Variants in SLIT1 observed in about 807,000 individuals in gnomAD.
SLIT1 encodes the protein slit guidance ligand 1.
SLIT1 carries 66 observed loss-of-function variants against 186.1 expected under a neutral mutation model. That is an observed-to-expected ratio of 0.35 (90% CI 0.29 to 0.44). The LOEUF (loss-of-function observed/expected upper bound fraction) is 0.44, where lower values mean the gene tolerates loss of function less well. SLIT1 is among the 20% of genes least tolerant of loss of function. SLIT1 has a pLI of 1.00. For missense variants in SLIT1, 1,638 were observed against 2,037.4 expected (o/e 0.80, Z 3.77); for synonymous variants, 761 against 833.8 (o/e 0.91, Z 1.50).
At chr10:97,114,694 G>C (rs923422035) in intron 4 of SLIT1, among the ~76,000 whole-genome samples, 8 of 152,130 alleles carry the variant, frequency 5.3e-5, no homozygotes, top group African/African-American at 1.9e-4. Flanking sequence ...AGGTGATGGA[G>C]TCATCTACCT....
In SLIT1 at chr10:97,022,955, G is replaced by A. The variant is rs181251146; in HGVS notation, c.2583-1542C>T. On this transcript the variant is annotated intron_variant, in intron 25 of 36. Transcript: ENST00000266058. The surrounding 1 kb of genome is among the most constrained non-coding windows in gnomAD (Gnocchi z 4.2). The stretch of plus-strand genomic sequence containing the variant: ...CTATCTCATTGTGTCCAACTGTTCC[G>A]CAATATCCCAGAGTGGATATCCCAT... 1.1e-4 allele frequency among the ~76,000 whole-genome samples: 17 copies of A among 152,212 alleles called. No individual in the cohort carries two copies. In the East Asian group the frequency reaches 1.4e-3, roughly 12 times the overall value.
intron 8 of SLIT1, 88 bp from the exon 9 acceptor site, chr10:97,060,875 G>A (rs1199019486): frequency 2.2e-6 from 3 of 1,365,392 alleles, no homozygotes; most frequent in African/African-American, 2.9e-5. Flanking sequence ...GGGATAGGGT[G>A]TACACTGGCA....
Position 97,117,666 on chromosome 10 carries a change from G to A in SLIT1, c.413+40152C>T, listed in dbSNP as rs553887067. 3.9e-5 allele frequency among the ~76,000 whole-genome samples: 6 copies of A among 152,248 alleles called. No individual in the cohort carries two copies. In the East Asian group the frequency reaches 9.6e-4, roughly 24 times the overall value. On this transcript the variant is annotated intron_variant, in intron 4 of 36. Coordinates refer to ENST00000266058, the MANE Select transcript of SLIT1 (RefSeq NM_003061.3). ...TGCTGAGTCTGAAAAAGTCCATGAGGCTTGGGCCATGCAAGTGACGCACAT... is the reference window on the plus strand; with the variant it reads ...TGCTGAGTCTGAAAAAGTCCATGAGACTTGGGCCATGCAAGTGACGCACAT...
intron 4 of SLIT1, among the ~76,000 whole-genome samples, chr10:97,086,645 G>T (rs1280541070): frequency 6.6e-6 from 1 of 152,144 alleles, no homozygotes; most frequent in Non-Finnish European, 1.5e-5. Flanking sequence ...TTAAGTGAAA[G>T]AAGCCAGAAT....
At chr10:97,018,923 G>A (rs771398444) in intron 27 of SLIT1, 60 bp downstream of exon 27, 8 of 1,039,468 alleles carry the variant, frequency 7.7e-6, no homozygotes, top group Non-Finnish European at 1.2e-5. Flanking sequence ...TGGGCCCTGG[G>A]GACAGCCCTG....
chr10:97,003,015 G>A lies in SLIT1; in HGVS notation c.3866-23C>T, dbSNP rs770104248. 1.0e-5 allele frequency: 16 copies of A among 1,602,690 alleles called. 1 individual carries two copies. Among genetic ancestry groups the A allele is most frequent in the Non-Finnish European group, 1.4e-5 (16 of 1,172,628 alleles). ...TCCCTGGGGTAGGGGAGGGAGCAGA[G>A]CTGGGCTGAGTAAAGCTCGGGCTAT... On this transcript the variant is annotated intron_variant, in intron 34 of 36. Transcript: ENST00000266058.
Position 97,046,974 on chromosome 10 carries a change from G to T in SLIT1, c.1709+17C>A. On this transcript the variant is annotated intron_variant, in intron 17 of 36. Coordinates refer to ENST00000266058, the MANE Select transcript of SLIT1 (RefSeq NM_003061.3). The stretch of plus-strand genomic sequence containing the variant: ...CCAGCATCCCAACAGACACCTTCTC[G>T]CCAATGGGTAACTCACATTTTCTTC... 1 of 1,598,232 alleles carries T rather than the reference G, an allele frequency of 6.3e-7. No individual in the cohort carries two copies. The highest frequency in any genetic ancestry group is 8.6e-7 in the Non-Finnish European group (1 of 1,165,864).
chr10:97,038,834 A>G (rs1208397481), intron 21 of SLIT1, among the ~76,000 whole-genome samples: 1 of 152,198 alleles, frequency 6.6e-6, no homozygotes, highest in African/African-American at 2.4e-5. Context: ...CCTCGTCCAC[A>G]TACCCAAGTA....
intron 4 of SLIT1, among the ~76,000 whole-genome samples, chr10:97,112,032 C>A (rs950665722): frequency 3.3e-5 from 5 of 152,234 alleles, no homozygotes; most frequent in African/African-American, 7.2e-5. Context: ...CACACCCGCA[C>A]CCTGACCTGA....
intron 30 of SLIT1, among the ~76,000 whole-genome samples, chr10:97,013,072 T>G (rs902949861): frequency 6.6e-6 from 1 of 152,196 alleles, no homozygotes; most frequent in Non-Finnish European, 1.5e-5. Flanking sequence ...TGGGACCAGA[T>G]AGGTTTTGGA....
chr10:97,123,789 G>GAAAA (rs5787219), intron 4 of SLIT1, among the ~76,000 whole-genome samples: 1 of 134,532 alleles, frequency 7.4e-6, no homozygotes, highest in Non-Finnish European at 1.6e-5. Context: ...GACTCTGTCT[G>GAAAA]AAAAAAAAAA....
intron 28 of SLIT1, among the ~76,000 whole-genome samples, chr10:97,018,345 C>T (rs1194262568): frequency 2.6e-5 from 4 of 152,228 alleles, no homozygotes; most frequent in Admixed American, 6.5e-5. Flanking sequence ...AGCTGTGCGG[C>T]TTAGGTATCC....
chr10:97,048,924 C>G (rs1848762104), intron 14 of SLIT1, 31 bp downstream of exon 14: 1 of 1,594,622 alleles, frequency 6.3e-7, no homozygotes, highest in South Asian at 1.1e-5. Context: ...GGTAGGTGGA[C>G]AGGTGGGCAG....
chr10:97,098,844 G>A (rs1849319050), intron 4 of SLIT1, among the ~76,000 whole-genome samples: 1 of 152,208 alleles, frequency 6.6e-6, no homozygotes, highest in African/African-American at 2.4e-5. Context: ...CCCCCAGAAA[G>A]GGACAATGCC....
intron 4 of SLIT1, among the ~76,000 whole-genome samples, chr10:97,092,241 T>A (rs112953533): frequency 6.6e-6 from 1 of 152,226 alleles, no homozygotes; most frequent in Non-Finnish European, 1.5e-5. Flanking sequence ...AAATTGTGCA[T>A]ATGTGCATGG....
At chr10:97,057,842 C>A in intron 11 of SLIT1, 2 of 566,770 alleles carry the variant, frequency 3.5e-6, no homozygotes, top group Non-Finnish European at 6.5e-6. Flanking sequence ...TTCAAAAAAA[C>A]ACATGTAGAC....
Position 97,011,475 on chromosome 10 carries a change from C to T in SLIT1, c.3204-345G>A, listed in dbSNP as rs980734449. On this transcript the variant is annotated intron_variant, in intron 30 of 36. Transcript: ENST00000266058. ...CCAAGGCCAACTGTCAGCCCCTTCCCCACCTCCCCAGCAGCTCAGCTGCAC... is the reference window on the plus strand; with the variant it reads ...CCAAGGCCAACTGTCAGCCCCTTCCTCACCTCCCCAGCAGCTCAGCTGCAC... Among the ~76,000 whole-genome samples the T allele has an allele frequency of 2.6e-5, 4 of 152,094 alleles. No homozygotes were observed. The East Asian group carries it at 7.7e-4, about 29-fold the overall frequency.
chr10:97,031,014 C>T (rs540815048), intron 24 of SLIT1, among the ~76,000 whole-genome samples, 186 bp from the exon 25 acceptor site: 18 of 152,332 alleles, frequency 1.2e-4, no homozygotes, highest in African/African-American at 3.6e-4. Context: ...TCCAGGCAGA[C>T]GGCCCTGTCC....
At position 97,022,338 on chromosome 10, in the gene SLIT1, C is replaced by T. The variant is rs1044560290; in HGVS notation, c.2583-925G>A. 3.9e-5 allele frequency among the ~76,000 whole-genome samples: 6 copies of T among 152,194 alleles called. No individual in the cohort carries two copies. Among genetic ancestry groups the T allele is most frequent in the African/African-American group, 1.4e-4 (6 of 41,452 alleles). ...TAAACAGAACACATGAATGCATTCT[C>T]ATTGTCAGCCACTTTCAAGCATTGC... On this transcript the variant is annotated intron_variant, in intron 25 of 36. Coordinates refer to ENST00000266058, the MANE Select transcript of SLIT1 (RefSeq NM_003061.3). This position sits in a 1 kb window ranked among gnomAD's most constrained non-coding sequence, Gnocchi z 4.2.
Sources: allele counts gnomAD v4.1 joint callset (sites outside exome capture counted in the v4.1 genomes callset), GRCh38; gene constraint gnomAD v4.1.1; non-coding constraint Gnocchi (gnomAD v3.1); transcripts MANE v1.5; gene names NCBI Gene and HGNC (gene_info 2026-07-23, HGNC 2026-07-21).